RALB: variants seen among roughly 807,000 people sequenced by gnomAD.
RALB encodes ras-related protein Ral-B.
A neutral mutation model predicts 21.3 loss-of-function variants in RALB; 16 were observed. That is an observed-to-expected ratio of 0.75 (90% CI 0.51 to 1.14). RALB has a LOEUF of 1.14. Among genes scored for constraint, RALB ranks in the 50% most tolerant of loss-of-function variants. The probability of loss-of-function intolerance (pLI) is 0.00; values close to 1 mark genes in which losing one functional copy is unlikely to be tolerated. For missense variants in RALB, 161 were observed against 256.2 expected (o/e 0.63, Z 2.54); for synonymous variants, 93 against 96.1 (o/e 0.97, Z 0.19).
intron 1 of RALB, 56 bp downstream of exon 1, chr2:120,253,036 G>C: frequency 1.1e-6 from 1 of 943,910 alleles, no homozygotes; most frequent in Non-Finnish European, 1.3e-6. Flanking sequence ...CTGGGGAGTG[G>C]GGTACGCCGC....
intron 1 of RALB, among the ~76,000 whole-genome samples, chr2:120,263,952 A>T (rs745679730): frequency 6.6e-6 from 1 of 151,580 alleles, no homozygotes; most frequent in African/African-American, 2.4e-5. Flanking sequence ...GGTTCTAGCG[A>T]TTCTCCCTGC....
Position 120,294,364 on chromosome 2 carries a change from AAT to A in RALB, c.*1108_*1109del, listed in dbSNP as rs1690373511. The A allele has an allele frequency of 2.5e-6, 1 of 398,580 alleles. No individual in the cohort carries two copies. Among genetic ancestry groups the A allele is most frequent in the African/African-American group, 2.1e-5 (1 of 48,644 alleles). 24.7% of individuals were successfully genotyped at this position (398,580 alleles called of 1,614,324 possible). On this transcript the variant is annotated 3_prime_UTR_variant, in exon 5 of 5. Transcript: ENST00000272519. ...CCTCTGAGAATTGGCTGCTGTTTCT[AAT>A]ATAATTATTTTCTAAGATAGCCAGA... is the stretch of plus-strand genomic sequence containing the variant.
intron 3 of RALB, among the ~76,000 whole-genome samples, chr2:120,286,601 A>G (rs1392059053): frequency 6.6e-6 from 1 of 152,168 alleles, no homozygotes; most frequent in East Asian, 1.9e-4. Flanking sequence ...CCTGGTTTGA[A>G]TCCCTGCCTT....
chr2:120,268,374 C>T (rs1446944146), intron 1 of RALB, among the ~76,000 whole-genome samples: 1 of 152,198 alleles, frequency 6.6e-6, no homozygotes, highest in Non-Finnish European at 1.5e-5. Context: ...AGTAAATCCC[C>T]CTTTGTGGTA....
chr2:120,240,909 CAGAG>C (rs1421972225), intron 1 of RALB, among the ~76,000 whole-genome samples: 1 of 152,132 alleles, frequency 6.6e-6, no homozygotes, highest in Non-Finnish European at 1.5e-5. Context: ...TTTGGGTAGA[CAGAG>C]AGAGCTGGGT....
At chr2:120,249,257 A>G (rs1573317102), upstream of RALB, among the ~76,000 whole-genome samples, 2 of 151,846 alleles carry the variant, frequency 1.3e-5, no homozygotes, top group East Asian at 3.9e-4. Context: ...CTGGTCTCAA[A>G]CTCCTGACCT....
At chr2:120,269,664 A>C (rs1358399400) in intron 1 of RALB, among the ~76,000 whole-genome samples, 1 of 152,334 alleles carries the variant, frequency 6.6e-6, no homozygotes. Context: ...CTTGTAAGAC[A>C]GAAAAGTTCT....
At chr2:120,286,643 G>A (rs1055101229) in intron 3 of RALB, among the ~76,000 whole-genome samples, 2 of 152,226 alleles carry the variant, frequency 1.3e-5, no homozygotes, top group African/African-American at 2.4e-5. Context: ...AGTTTACTTA[G>A]TGTCAGGATT....
At chr2:120,247,061 C>T (rs1045376960) in intron 1 of RALB, among the ~76,000 whole-genome samples, 3 of 152,164 alleles carry the variant, frequency 2.0e-5, no homozygotes, top group African/African-American at 7.2e-5. Context: ...CACCCCGTGG[C>T]GGCTTTTATC....
In RALB at chr2:120,259,741, C is replaced by T. The variant is rs561845978; in HGVS notation, c.-48+6761C>T. On this transcript the variant is annotated intron_variant, in intron 1 of 4. Transcript: ENST00000272519. ...GTGGAGCTGCCTGCCAGTCCTGCGCCATGCACTTGCATTCCTCAGCCCTTG... is the reference window on the plus strand; with the variant it reads ...GTGGAGCTGCCTGCCAGTCCTGCGCTATGCACTTGCATTCCTCAGCCCTTG... 5.9e-5 allele frequency among the ~76,000 whole-genome samples: 9 copies of T among 152,370 alleles called. No individual in the cohort carries two copies. In the East Asian group the frequency reaches 7.7e-4, roughly 13 times the overall value.
chr2:120,289,064 G>A (rs1182364373), intron 3 of RALB, among the ~76,000 whole-genome samples: 1 of 152,046 alleles, frequency 6.6e-6, no homozygotes, highest in African/African-American at 2.4e-5. Flanking sequence ...GAAACTGCTG[G>A]TTGCGACCCA....
At chr2:120,290,593 A>G (rs1480885761) in intron 4 of RALB, among the ~76,000 whole-genome samples, 1 of 149,612 alleles carries the variant, frequency 6.7e-6, no homozygotes, top group Non-Finnish European at 1.5e-5. Flanking sequence ...TGTAGTCTCT[A>G]AATAGTATTT....
chr2:120,246,574 C>T (rs1200300147), intron 1 of RALB, among the ~76,000 whole-genome samples: 2 of 152,230 alleles, frequency 1.3e-5, no homozygotes, highest in Non-Finnish European at 2.9e-5. Context: ...TCCTCTTTGT[C>T]TGTCTGTCCA....
At chr2:120,273,049 T>G (rs1457267570) in intron 1 of RALB, among the ~76,000 whole-genome samples, 1 of 152,192 alleles carries the variant, frequency 6.6e-6, no homozygotes, top group Non-Finnish European at 1.5e-5. Flanking sequence ...GCCCGTTGGG[T>G]CTTCCTGCCC....
rs1690372938 is a variant in RALB at position 120,294,328 on chromosome 2, T to G, written c.*1068T>G. 7.5e-6 allele frequency: 3 copies of G among 398,772 alleles called. No homozygotes were observed. In the East Asian group the frequency reaches 1.1e-4, roughly 14 times the overall value. The allele number at this position is 398,772 out of a possible 1,614,324, so 24.7% of individuals were successfully genotyped here. The stretch of plus-strand genomic sequence containing the variant: ...ATTAGAAGTAGAGAGAGATAAGCCA[T>G]CGCCCCTTTGCCTCTGAGAATTGGC... On this transcript the variant is annotated 3_prime_UTR_variant, in exon 5 of 5. Transcript: ENST00000272519.
intron 1 of RALB, among the ~76,000 whole-genome samples, chr2:120,243,842 G>C (rs777551371): frequency 6.6e-6 from 1 of 152,332 alleles, no homozygotes; most frequent in Admixed American, 6.5e-5. Context: ...GTGTCCATTA[G>C]AGAAGGGGCA....
intron 1 of RALB, among the ~76,000 whole-genome samples, chr2:120,247,088 G>T (rs561904389): frequency 3.9e-5 from 6 of 152,166 alleles, no homozygotes; most frequent in African/African-American, 9.7e-5. Context: ...CCTGGAGGTC[G>T]GTACCAGATC....
chr2:120,274,310 A>G (rs1689736952), intron 1 of RALB, among the ~76,000 whole-genome samples: 1 of 151,858 alleles, frequency 6.6e-6, no homozygotes, highest in East Asian at 1.9e-4. Flanking sequence ...AGATGTGCTT[A>G]CTTATCTAGT....
chr2:120,289,309 C>G (rs1258917243), intron 3 of RALB, among the ~76,000 whole-genome samples: 1 of 75,572 alleles, frequency 1.3e-5, no homozygotes, highest in Non-Finnish European at 2.9e-5. Flanking sequence ...GGCTCCTATC[C>G]AGACACTTCT....
Sources: gnomAD v4.1 joint callset for allele counts (sites outside exome capture counted in the v4.1 genomes callset) on GRCh38, gnomAD v4.1.1 for gene constraint, MANE v1.5 for transcripts, NCBI Gene and HGNC (gene_info 2026-07-23, HGNC 2026-07-21) for gene names.